ABCB7: variants seen among roughly 807,000 people sequenced by gnomAD.
ABCB7 encodes ATP binding cassette subfamily B member 7, also known as iron-sulfur clusters transporter ABCB7, mitochondrial.
A neutral mutation model predicts 54.4 loss-of-function variants in ABCB7; 7 were observed. That is an observed-to-expected ratio of 0.13 (90% confidence interval 0.07 to 0.24). ABCB7 has a LOEUF of 0.24. Among genes scored for constraint, ABCB7 ranks in the 10% least tolerant of loss-of-function variants. The pLI is 1.00. For synonymous variants in ABCB7, 218 were observed against 207.1 expected (o/e 1.05, Z -0.45); for missense variants, 356 against 570.4 (o/e 0.62, Z 3.83).
intron 4 of ABCB7, among the ~76,000 whole-genome samples, chrX:75,096,602 G>C (rs1044233657): frequency 1.8e-5 from 2 of 110,934 alleles, no homozygotes; most frequent in Admixed American, 9.6e-5. Context: ...CTCTAGACCT[G>C]GGCTCCTTCC....
chrX:75,117,651 T>C (rs936858822), intron 1 of ABCB7, among the ~76,000 whole-genome samples: 6 of 111,466 alleles, frequency 5.4e-5, no homozygotes, highest in African/African-American at 2.0e-4. Flanking sequence ...TGGATTAATC[T>C]GTCTTGCACT....
chrX:75,153,244 A>AT (rs1401891659), intron 1 of ABCB7, among the ~76,000 whole-genome samples: 2 of 110,191 alleles, frequency 1.8e-5, no homozygotes, highest in African/African-American at 3.3e-5. Context: ...TGCCCGGCTA[A>AT]TTTTTTTTGT....
chrX:75,107,377 G>A (rs2081713619), intron 3 of ABCB7, among the ~76,000 whole-genome samples: 2 of 111,472 alleles, frequency 1.8e-5, no homozygotes, highest in Non-Finnish European at 3.8e-5. Flanking sequence ...ACCAGCTGGG[G>A]TGGCTAAGGG....
At chrX:75,100,387 T>C (rs1314427008) in intron 3 of ABCB7, among the ~76,000 whole-genome samples, 1 of 111,120 alleles carries the variant, frequency 9.0e-6, no homozygotes, top group Admixed American at 9.6e-5. Context: ...GGCCTCTGGA[T>C]ACCTCTCCAG....
At chrX:75,055,971 G>A (rs1346399114) in intron 15 of ABCB7, among the ~76,000 whole-genome samples, 8 of 110,500 alleles carry the variant, frequency 7.2e-5, no homozygotes, top group African/African-American at 9.9e-5. Flanking sequence ...ACCAGCATGA[G>A]CCACCATGCC....
chrX:75,146,361 A>C (rs2082090909), intron 1 of ABCB7, among the ~76,000 whole-genome samples: 1 of 112,197 alleles, frequency 8.9e-6, no homozygotes, highest in Non-Finnish European at 1.9e-5. Context: ...CAAATAGCCA[A>C]GGCAATCCTA....
intron 8 of ABCB7, among the ~76,000 whole-genome samples, chrX:75,072,561 A>G (rs139554228): frequency 9.0e-6 from 1 of 111,608 alleles, no homozygotes; most frequent in South Asian, 3.8e-4. Flanking sequence ...GTAAAAATAT[A>G]GTAAAGAAGA....
chrX:75,091,559 G>A (rs1267223298), intron 4 of ABCB7, among the ~76,000 whole-genome samples: 1 of 110,490 alleles, frequency 9.1e-6, no homozygotes, highest in East Asian at 2.8e-4. Context: ...ATTCAACACT[G>A]TACTAGAAGT....
At chrX:75,104,048 T>TTTTTTTTG (rs2081665358) in intron 3 of ABCB7, among the ~76,000 whole-genome samples, 8 of 23,501 alleles carry the variant, frequency 3.4e-4, no homozygotes, top group Non-Finnish European at 7.9e-4. Flanking sequence ...CTTGTTACAG[T>TTTTTTTTG]TTTTTTTTTT....
At position 75,104,047 on chromosome X, in the gene ABCB7, G is replaced by GTTTTTT. The variant is rs757074347; in HGVS notation, c.334-4992_334-4987dup. ...AAATGGGCATCCCTGTCTTGTTACA[G>GTTTTTT]TTTTTTTTTTTTTTTTTTTTTTTTT... On this transcript the variant is annotated intron_variant, in intron 3 of 15. Transcript: ENST00000373394. 3.4e-3 allele frequency among the ~76,000 whole-genome samples: 46 copies of GTTTTTT among 13,433 alleles called. 10 individuals are homozygous for GTTTTTT. Among genetic ancestry groups the GTTTTTT allele is most frequent in the East Asian group, 0.015 (2 of 137 alleles). The allele number at this position is 13,433 out of a possible 115,157, so 11.7% of individuals were successfully genotyped here.
intron 1 of ABCB7, among the ~76,000 whole-genome samples, chrX:75,143,345 T>C (rs1353991962): frequency 8.9e-6 from 1 of 111,771 alleles, no homozygotes; most frequent in African/African-American, 3.3e-5. Flanking sequence ...CTCATTTCCG[T>C]CTGAGATCAC....
At chrX:75,094,405 T>C (rs1446147084) in intron 4 of ABCB7, among the ~76,000 whole-genome samples, 1 of 111,809 alleles carries the variant, frequency 8.9e-6, no homozygotes, top group Non-Finnish European at 1.9e-5. Flanking sequence ...GTATGTAAAA[T>C]ACTAATAGAA....
At chrX:75,062,525 T>C (rs972403166) in intron 13 of ABCB7, 94 bp from the exon 14 acceptor site, 58 of 624,868 alleles carry the variant, frequency 9.3e-5, no homozygotes, top group Non-Finnish European at 1.3e-5. Flanking sequence ...AGTAATACAC[T>C]GAACATTTCC....
intron 3 of ABCB7, among the ~76,000 whole-genome samples, chrX:75,105,083 G>A (rs751774380): frequency 9.0e-6 from 1 of 110,971 alleles, no homozygotes; most frequent in African/African-American, 3.3e-5. Context: ...CACACTGAAT[G>A]GGGAAAACTT....
chrX:75,153,756 G>GTATATATATATATATATATATATA (rs10626282), intron 1 of ABCB7, among the ~76,000 whole-genome samples: 1 of 91,882 alleles, frequency 1.1e-5, no homozygotes, highest in Non-Finnish European at 2.1e-5. Context: ...GCGTGTGTGT[G>GTATATATATATATATATATATATA]TGTGTATATA....
At chrX:75,128,474 AAG>A (rs1379613479) in intron 1 of ABCB7, among the ~76,000 whole-genome samples, 1 of 112,231 alleles carries the variant, frequency 8.9e-6, no homozygotes, top group African/African-American at 3.2e-5. Context: ...ACTTAAACAT[AAG>A]ACCTAAAACC....
intron 1 of ABCB7, among the ~76,000 whole-genome samples, chrX:75,144,244 C>G (rs1189177689): frequency 8.9e-6 from 1 of 112,047 alleles, no homozygotes; most frequent in Admixed American, 9.5e-5. Context: ...CTTAAAATTA[C>G]TTTCTAGAAT....
chrX:75,150,034 T>G (rs1453161735), intron 1 of ABCB7, among the ~76,000 whole-genome samples: 1 of 111,508 alleles, frequency 9.0e-6, no homozygotes, highest in Non-Finnish European at 1.9e-5. Flanking sequence ...CTGAAGTTTA[T>G]GCAGGGAAGT....
rs1178475480 is a variant in ABCB7, at chrX:75,060,208, A to G, written c.2043+15T>C. 8.6e-7 allele frequency: 1 copy of G among 1,161,980 alleles called. No homozygotes were observed. The highest frequency in any genetic ancestry group is 1.8e-5 in the African/African-American group (1 of 56,372). ...GTGTTCCTCAAATACTAAACTTTAA[A>G]GTTAAATGTCTTACCTGATCCAAGA... On this transcript the variant is annotated intron_variant, in intron 15 of 15. Coordinates refer to ENST00000373394, the MANE Select transcript of ABCB7 (RefSeq NM_001271696.3).
Sources: allele counts gnomAD v4.1 joint callset (sites outside exome capture counted in the v4.1 genomes callset), GRCh38; gene constraint gnomAD v4.1.1; transcripts MANE v1.5; gene names NCBI Gene and HGNC (gene_info 2026-07-23, HGNC 2026-07-21).